Variants in MAP4K3 observed in about 807,000 individuals in gnomAD.
MAP4K3 encodes MAPK/ERK kinase kinase kinase 3.
A neutral mutation model predicts 143.5 loss-of-function variants in MAP4K3; 94 were observed. That is an observed-to-expected ratio of 0.65 (90% confidence interval 0.55 to 0.78). The LOEUF is 0.78. Among genes scored for constraint, MAP4K3 ranks in the 30% least tolerant of loss-of-function variants. The pLI is 0.00. For missense variants in MAP4K3, 1,077 were observed against 1,068.1 expected, an observed-to-expected ratio of 1.01 and a Z score of -0.12; for synonymous variants, 416 against 347.2, an observed-to-expected ratio of 1.20 and a Z score of -2.20.
At chr2:39,386,617 A>G (rs1222985620) in intron 1 of MAP4K3, among the ~76,000 whole-genome samples, 1 of 152,118 alleles carries the variant, frequency 6.6e-6, no homozygotes, top group Non-Finnish European at 1.5e-5. Context: ...TTTTGCATGT[A>G]TATGTCCAAC....
intron 16 of MAP4K3, among the ~76,000 whole-genome samples, chr2:39,295,352 AT>A (rs1213795698): frequency 2.6e-5 from 4 of 151,814 alleles, no homozygotes; most frequent in Admixed American, 6.6e-5. Flanking sequence ...TTTTAAAAAT[AT>A]ATTAACATTT....
In MAP4K3 at chr2:39,292,889, T is replaced by C. The variant is rs556630968; in HGVS notation, c.1218-63A>G. ...TTTTACCAAAACAGTAAGAAGAAAT[T>C]TTAGAAAATGCAGGAAAAGCTACTG... On this transcript the variant is annotated intron_variant, in intron 17 of 33. Coordinates refer to ENST00000263881, the MANE Select transcript of MAP4K3 (RefSeq NM_003618.4). 10 of 1,383,978 alleles carry C rather than the reference T, an allele frequency of 7.2e-6. No individual in the cohort carries two copies. In the East Asian group the frequency reaches 1.1e-4, roughly 16 times the overall value. 85.7% of individuals were successfully genotyped at this position (1,383,978 alleles called of 1,614,324 possible).
chr2:39,326,114 A>C lies in MAP4K3; in HGVS notation c.662+32T>G, dbSNP rs1415937456. 3.1e-6 allele frequency: 5 copies of C among 1,597,652 alleles called. No homozygotes were observed. In the African/African-American group the frequency reaches 5.4e-5, roughly 17 times the overall value. On this transcript the variant is annotated intron_variant, in intron 9 of 33. Coordinates refer to ENST00000263881, the MANE Select transcript of MAP4K3 (RefSeq NM_003618.4). ...GCATACTAAGAGGATAAAAACCTTA[A>C]GCGTAAGATTCTTCAATGATGATGC...
chr2:39,278,601 G>A, intron 23 of MAP4K3, 115 bp from the exon 24 acceptor site: 1 of 600,068 alleles, frequency 1.7e-6, no homozygotes, highest in Non-Finnish European at 2.9e-6. Context: ...GAATTACTAT[G>A]ATTTATAAGC....
rs777727516 is a variant in MAP4K3 at position 39,299,820 on chromosome 2, A to G, written c.1120-19T>C. On this transcript the variant is annotated intron_variant, in intron 15 of 33. Transcript: ENST00000263881. ...GCAGATCCTAATAGTACAAAATAAA[A>G]TATTTAGCACAATAGTAGTATATGA... The G allele has an allele frequency of 1.2e-4, 169 of 1,418,212 alleles. 1 individual carries two copies. The South Asian group carries it at 2.2e-3, about 18-fold the overall frequency. 87.9% of individuals were successfully genotyped at this position (1,418,212 alleles called of 1,614,324 possible).
At chr2:39,348,078 T>C (rs1665347238) in intron 3 of MAP4K3, among the ~76,000 whole-genome samples, 1 of 152,110 alleles carries the variant, frequency 6.6e-6, no homozygotes, top group Non-Finnish European at 1.5e-5. Flanking sequence ...TTTCTAAAAA[T>C]TTAAGGTGTC....
chr2:39,418,228 G>A (rs1330782155), intron 1 of MAP4K3, among the ~76,000 whole-genome samples: 1 of 151,552 alleles, frequency 6.6e-6, no homozygotes, highest in Non-Finnish European at 1.5e-5. Context: ...ACAAATGATG[G>A]GGACCTATGA....
intron 1 of MAP4K3, among the ~76,000 whole-genome samples, chr2:39,420,309 C>T (rs955156949): frequency 3.3e-5 from 5 of 152,252 alleles, no homozygotes; most frequent in Admixed American, 2.6e-4. Flanking sequence ...CTTCCATATA[C>T]ACGTGCACTT....
At chr2:39,340,992 TG>T (rs1340162348) in intron 4 of MAP4K3, among the ~76,000 whole-genome samples, 6 of 152,050 alleles carry the variant, frequency 3.9e-5, no homozygotes, top group Non-Finnish European at 7.4e-5. Context: ...GATCGCAGAT[TG>T]GGGGAGAAAA....
At chr2:39,350,343 A>G (rs1190382449) in intron 3 of MAP4K3, among the ~76,000 whole-genome samples, 2 of 152,202 alleles carry the variant, frequency 1.3e-5, no homozygotes, top group Non-Finnish European at 1.5e-5. Flanking sequence ...GTAGTTGTGA[A>G]AAGTGTGCCA....
Position 39,286,831 on chromosome 2 carries a change from CT to C in MAP4K3, c.1587+20del. On this transcript the variant is annotated intron_variant, in intron 21 of 33. Transcript: ENST00000263881. ...AAAAAGGAAACAAATACAAGTAGAA[CT>C]TATGACTATCAATACCTACTGGTAC... 6.7e-7 allele frequency: 1 copy of C among 1,491,228 alleles called. No individual in the cohort carries two copies. Among genetic ancestry groups the C allele is most frequent in the Non-Finnish European group, 9.2e-7 (1 of 1,092,254 alleles). 92.4% of individuals were successfully genotyped at this position (1,491,228 alleles called of 1,614,324 possible).
rs764496742 is a variant in MAP4K3 at position 39,288,177 on chromosome 2, T to C, written c.1418A>G (p.Gln473Arg). ...GGGAGGTGGTGGTCTAGGTGGAACT[T>C]GGGATGGCTTTGCTGGGCTCCCTGA... is the stretch of plus-strand genomic sequence containing the variant. ...PMSGSPAKPS[Q>R]VPPRPPPPRL... Residue 473 changes from glutamine (Q) to arginine (R), a missense_variant, in exon 20 of 34, where the codon CAA (glutamine) becomes CGA (arginine). Around this residue, in one of 2 missense-constraint regions of MAP4K3, gnomAD observed 864 missense variants for 801.2 expected, o/e 1.08. Transcript: ENST00000263881. 3.7e-6 allele frequency: 6 copies of C among 1,614,128 alleles called. No individual in the cohort carries two copies. The highest frequency in any genetic ancestry group is 5.1e-6 in the Non-Finnish European group (6 of 1,180,012).
At chr2:39,396,695 G>A (rs764370900) in intron 1 of MAP4K3, among the ~76,000 whole-genome samples, 11 of 151,954 alleles carry the variant, frequency 7.2e-5, no homozygotes, top group Non-Finnish European at 1.3e-4. Flanking sequence ...GGATGGTCTC[G>A]ATCTCCTGAC....
At chr2:39,256,947 T>C (rs1017687098) in intron 31 of MAP4K3, among the ~76,000 whole-genome samples, 1 of 152,238 alleles carries the variant, frequency 6.6e-6, no homozygotes, top group African/African-American at 2.4e-5. Context: ...TGAGATTCTG[T>C]TGTTGATCTT....
intron 1 of MAP4K3, among the ~76,000 whole-genome samples, chr2:39,386,337 C>A (rs981185004): frequency 6.6e-6 from 1 of 152,202 alleles, no homozygotes; most frequent in Non-Finnish European, 1.5e-5. Flanking sequence ...ACTGTTGAAG[C>A]CACCCAGTCT....
chr2:39,299,686 T>C, intron 16 of MAP4K3, 57 bp downstream of exon 16: 1 of 924,146 alleles, frequency 1.1e-6, no homozygotes, highest in Non-Finnish European at 1.6e-6. Context: ...AATATAATAT[T>C]AAAGGCAACT....
chr2:39,286,056 G>A (rs1681761416), intron 21 of MAP4K3, among the ~76,000 whole-genome samples: 1 of 152,184 alleles, frequency 6.6e-6, no homozygotes, highest in Non-Finnish European at 1.5e-5. Flanking sequence ...CACTACTTAT[G>A]TAATCTCTAA....
chr2:39,296,697 G>A (rs2148484943), intron 16 of MAP4K3, among the ~76,000 whole-genome samples: 1 of 152,118 alleles, frequency 6.6e-6, no homozygotes, highest in South Asian at 2.1e-4. Context: ...AAACCAACAA[G>A]CAAACAAACA....
chr2:39,308,468 C>T (rs1682799028), intron 14 of MAP4K3, among the ~76,000 whole-genome samples: 1 of 152,098 alleles, frequency 6.6e-6, no homozygotes, highest in African/African-American at 2.4e-5. Context: ...TTGTATGCTT[C>T]AGTCAAGTGA....
Sources: gnomAD v4.1 joint callset for allele counts (sites outside exome capture counted in the v4.1 genomes callset) on GRCh38, gnomAD v4.1.1 for gene constraint, gnomAD v4.1.1 regional missense constraint, MANE v1.5 for transcripts, NCBI Gene and HGNC (gene_info 2026-07-23, HGNC 2026-07-21) for gene names.